SLCO3A1: variants seen among roughly 807,000 people sequenced by gnomAD.
SLCO3A1 encodes the protein PGE1 transporter.
Under a neutral mutation model 63.1 loss-of-function variants are expected in SLCO3A1, and 27 were observed. The observed-to-expected ratio is 0.43, with a 90% CI of 0.32 to 0.59. The LOEUF is 0.59. Ranked by LOEUF, SLCO3A1 falls within the 20% of genes least tolerant of loss-of-function variation. The probability of loss-of-function intolerance (pLI) is 0.09; values close to 1 mark genes in which losing one functional copy is unlikely to be tolerated. For synonymous variants in SLCO3A1, 473 were observed against 409.9 expected (o/e 1.15, Z -1.86); for missense variants, 773 against 945.8 (o/e 0.82, Z 2.40).
At chr15:92,038,896 C>CA (rs969356225) in intron 2 of SLCO3A1, among the ~76,000 whole-genome samples, 1 of 151,984 alleles carries the variant, frequency 6.6e-6, no homozygotes, top group Non-Finnish European at 1.5e-5. Context: ...GTACTGGTAC[C>CA]AAAAAAGACA....
At chr15:91,880,535 C>A (rs893374493) in intron 1 of SLCO3A1, among the ~76,000 whole-genome samples, 5 of 152,082 alleles carry the variant, frequency 3.3e-5, no homozygotes, top group African/African-American at 1.2e-4. Context: ...TCCCTAACCC[C>A]AGGGCAGCAC....
intron 2 of SLCO3A1, among the ~76,000 whole-genome samples, chr15:92,016,266 A>ATAGATATAGATAGATAGAT (rs1555424468): frequency 0.031 from 4,172 of 134,938 alleles, 109 homozygotes; most frequent in South Asian, 0.13. Context: ...AGATAGATAG[A>ATAGATATAGATAGATAGAT]TAGATAGATA....
In SLCO3A1 at chr15:91,853,997, AAAAG is replaced by A; in HGVS notation, c.92_95del (p.Lys31ArgfsTer18). ...GAGGCGCAGAGGAACAAGAAAAAGA[AAAAG>A]AAGGTGTCCTGCTTTTCCAACATCA... On this transcript the variant is annotated frameshift_variant, in exon 1 of 10. Coordinates refer to ENST00000318445, the MANE Select transcript of SLCO3A1 (RefSeq NM_013272.4). LOFTEE classifies it high-confidence loss of function. 1 of 1,542,328 alleles carries A rather than the reference AAAAG, an allele frequency of 6.5e-7. No individual in the cohort carries two copies. The highest frequency in any genetic ancestry group is 1.4e-5 in the African/African-American group (1 of 70,284).
At chr15:91,908,055 C>T (rs1251666527) in intron 1 of SLCO3A1, among the ~76,000 whole-genome samples, 1 of 152,152 alleles carries the variant, frequency 6.6e-6, no homozygotes, top group East Asian at 1.9e-4. Flanking sequence ...TTCTCTCCCT[C>T]ATTTGGACCC....
At position 91,859,436 on chromosome 15, in the gene SLCO3A1, T is replaced by G. The variant is rs1597063157; in HGVS notation, c.180+5348T>G. 6.6e-6 allele frequency among the ~76,000 whole-genome samples: 1 copy of G among 152,252 alleles called. No homozygotes were observed. Among genetic ancestry groups the G allele is most frequent in the Non-Finnish European group, 1.5e-5 (1 of 68,046 alleles). On this transcript the variant is annotated intron_variant, in intron 1 of 9. Coordinates refer to ENST00000318445, the MANE Select transcript of SLCO3A1 (RefSeq NM_013272.4). This position sits in a 1 kb window ranked among gnomAD's most constrained non-coding sequence, Gnocchi z 5.1. ...GATGTGATTCAAAGACACTTGTATT[T>G]TATGTAGCCTAAGTGTTTATGTGTT...
intron 9 of SLCO3A1, among the ~76,000 whole-genome samples, chr15:92,161,134 G>A (rs760661540): frequency 1.3e-5 from 2 of 152,176 alleles, no homozygotes; most frequent in South Asian, 2.1e-4. Flanking sequence ...TAGTTCCAGA[G>A]ATCACTTCCT....
chr15:92,146,949 C>G (rs1403670105), intron 7 of SLCO3A1, 35 bp from the exon 8 acceptor site: 59 of 1,559,242 alleles, frequency 3.8e-5, no homozygotes, highest in Non-Finnish European at 4.9e-5. Context: ...ACCGGAAGTA[C>G]CCCCAGATAA....
chr15:92,030,973 C>T (rs1328524348), intron 2 of SLCO3A1, among the ~76,000 whole-genome samples: 1 of 116,122 alleles, frequency 8.6e-6, no homozygotes, highest in Non-Finnish European at 1.8e-5. Context: ...CATAAATGCA[C>T]CTGTAGCTGC....
intron 2 of SLCO3A1, among the ~76,000 whole-genome samples, chr15:91,973,435 C>T (rs1363227609): frequency 6.6e-6 from 1 of 152,156 alleles, no homozygotes; most frequent in Non-Finnish European, 1.5e-5. Flanking sequence ...AGTCAAGATA[C>T]AATTATCTTT....
intron 2 of SLCO3A1, among the ~76,000 whole-genome samples, chr15:92,080,712 C>T (rs1176003680): frequency 1.3e-5 from 2 of 152,188 alleles, no homozygotes; most frequent in Non-Finnish European, 2.9e-5. Context: ...AGTGCTCACA[C>T]TCGTGGCGGC....
intron 6 of SLCO3A1, among the ~76,000 whole-genome samples, chr15:92,127,824 C>G (rs938539643): frequency 6.6e-6 from 1 of 152,108 alleles, no homozygotes; most frequent in Non-Finnish European, 1.5e-5. Context: ...AGTAAGTAAG[C>G]ATCATGAGGC....
intron 2 of SLCO3A1, among the ~76,000 whole-genome samples, chr15:92,060,921 G>A (rs767132005): frequency 1.3e-5 from 2 of 152,168 alleles, no homozygotes; most frequent in African/African-American, 2.4e-5. Flanking sequence ...ACATAATTGG[G>A]TGATGGAGAT....
At chr15:91,915,112 C>T (rs1432593575) in intron 1 of SLCO3A1, among the ~76,000 whole-genome samples, 1 of 151,978 alleles carries the variant, frequency 6.6e-6, no homozygotes. Flanking sequence ...TCCTCATGGC[C>T]CCCTTGGTGT....
chr15:92,143,769 C>CTGCG (rs1271987115), intron 7 of SLCO3A1, among the ~76,000 whole-genome samples: 1 of 151,072 alleles, frequency 6.6e-6, no homozygotes. Flanking sequence ...GGGGCTGGGG[C>CTGCG]TGCGTAACTG....
At chr15:92,145,278 C>A (rs1222941188) in intron 7 of SLCO3A1, among the ~76,000 whole-genome samples, 2 of 152,120 alleles carry the variant, frequency 1.3e-5, no homozygotes, top group East Asian at 3.9e-4. Flanking sequence ...AAAAGTTTGG[C>A]TGTGATGCTG....
chr15:92,089,574 G>C (rs1427919297), intron 2 of SLCO3A1, among the ~76,000 whole-genome samples: 1 of 152,188 alleles, frequency 6.6e-6, no homozygotes, highest in Non-Finnish European at 1.5e-5. Flanking sequence ...GCAAGTAGGA[G>C]GTTCTCAGTG....
chr15:92,008,044 T>C (rs562951098), intron 2 of SLCO3A1, among the ~76,000 whole-genome samples: 1 of 152,316 alleles, frequency 6.6e-6, no homozygotes, highest in African/African-American at 2.4e-5. Context: ...AGAAGTCGGC[T>C]CGGTAAACAG....
chr15:91,927,544 A>G (rs1899073562), intron 2 of SLCO3A1, among the ~76,000 whole-genome samples: 1 of 152,114 alleles, frequency 6.6e-6, no homozygotes, highest in African/African-American at 2.4e-5. Flanking sequence ...GAAACCCTCT[A>G]TTTTATACCA....
In SLCO3A1 at chr15:91,883,652, T is replaced by C. The variant is rs1007945303; in HGVS notation, c.180+29564T>C. Among the ~76,000 whole-genome samples the C allele has an allele frequency of 5.9e-5, 9 of 152,246 alleles. No individual in the cohort carries two copies. Among genetic ancestry groups the C allele is most frequent in the Admixed American group, 4.6e-4 (7 of 15,282 alleles). ...TAAGCCTTAATAGTTACTAAGGCAA[T>C]GCATTGATACATTGTTCATACGCTC... On this transcript the variant is annotated intron_variant, in intron 1 of 9. Coordinates refer to ENST00000318445, the MANE Select transcript of SLCO3A1 (RefSeq NM_013272.4). This position sits in a 1 kb window ranked among gnomAD's most constrained non-coding sequence, Gnocchi z 4.8.
Sources: gnomAD v4.1 joint callset for allele counts (sites outside exome capture counted in the v4.1 genomes callset) on GRCh38, gnomAD v4.1.1 for gene constraint, Gnocchi (gnomAD v3.1) non-coding constraint, MANE v1.5 for transcripts, NCBI Gene and HGNC (gene_info 2026-07-23, HGNC 2026-07-21) for gene names.